Variants in WAPL observed in about 807,000 individuals in gnomAD.
WAPL encodes the protein WAPL cohesin release factor.
A neutral mutation model predicts 121.0 loss-of-function variants in WAPL; 5 were observed. The ratio of observed to expected loss-of-function variants is 0.04; its 90% CI spans 0.02 to 0.09. WAPL has a LOEUF of 0.09. Ranked by LOEUF, WAPL falls within the 10% of genes least tolerant of loss-of-function variation. The probability of loss-of-function intolerance (pLI) is 1.00; values close to 1 mark genes in which losing one functional copy is unlikely to be tolerated. For missense variants in WAPL, 999 were observed against 1,410.8 expected, an observed-to-expected ratio of 0.71 and a Z score of 4.68; for synonymous variants, 480 against 481.5, an observed-to-expected ratio of 1.00 and a Z score of 0.04.
chr10:86,456,597 A>G (rs1841152799), intron 12 of WAPL, among the ~76,000 whole-genome samples: 1 of 152,194 alleles, frequency 6.6e-6, no homozygotes, highest in Non-Finnish European at 1.5e-5. Context: ...TTCTTAAAGA[A>G]ACCGTATCTA....
rs1462614488 is a variant in WAPL, at chr10:86,467,303, C to T, written c.2346G>A (p.Lys782=). ...CCGTTATATTTTCTAGATCAAGATGCTTGTTGTGTACAGTTTCACAGAGCC... is the reference window on the plus strand; with the variant it reads ...CCGTTATATTTTCTAGATCAAGATGTTTGTTGTGTACAGTTTCACAGAGCC... ...IRRLCETVHN[K]HLDLENITTG... Residue 782 remains lysine (K), a synonymous_variant, in exon 9 of 19, where the codon AAG becomes AAA. Coordinates refer to ENST00000298767, the MANE Select transcript of WAPL (RefSeq NM_015045.5). 1 of 1,613,762 alleles carries T rather than the reference C, an allele frequency of 6.2e-7. No individual in the cohort carries two copies. Among genetic ancestry groups the T allele is most frequent in the African/African-American group, 1.3e-5 (1 of 74,902 alleles).
At chr10:86,495,170 A>C (rs1439624145) in intron 4 of WAPL, among the ~76,000 whole-genome samples, 1 of 152,226 alleles carries the variant, frequency 6.6e-6, no homozygotes, top group African/African-American at 2.4e-5. Flanking sequence ...AATTTTTTAC[A>C]AAAAAGGCGA....
intron 12 of WAPL, among the ~76,000 whole-genome samples, chr10:86,458,562 T>A (rs146763392): frequency 6.6e-6 from 1 of 152,236 alleles, no homozygotes; most frequent in Admixed American, 6.5e-5. Flanking sequence ...CATTAATATG[T>A]ATCACAAATG....
At chr10:86,511,734 G>A (rs1246966390) in intron 2 of WAPL, among the ~76,000 whole-genome samples, 1 of 152,132 alleles carries the variant, frequency 6.6e-6, no homozygotes, top group Non-Finnish European at 1.5e-5. Context: ...AGGAGTTCAG[G>A]ACCAGGCTGG....
intron 3 of WAPL, among the ~76,000 whole-genome samples, chr10:86,499,288 T>C (rs907843350): frequency 6.6e-6 from 1 of 152,190 alleles, no homozygotes; most frequent in Non-Finnish European, 1.5e-5. Context: ...CAGGTACTTT[T>C]AATAAATATA....
chr10:86,520,231 G>T (rs139184069), intron 1 of WAPL, among the ~76,000 whole-genome samples: 10,135 of 152,266 alleles, frequency 0.067, 633 homozygotes, highest in East Asian at 0.37. Flanking sequence ...GGAGGCGGAG[G>T]TTGCGGTGAG....
chr10:86,513,423 C>T (rs1164158076), intron 2 of WAPL, among the ~76,000 whole-genome samples: 2 of 72,274 alleles, frequency 2.8e-5, no homozygotes, highest in African/African-American at 1.2e-4. Context: ...CAACCTTCAC[C>T]TCCGGGGTTC....
intron 2 of WAPL, among the ~76,000 whole-genome samples, chr10:86,502,699 A>T (rs565763704): frequency 6.6e-6 from 1 of 152,350 alleles, no homozygotes; most frequent in South Asian, 2.1e-4. Flanking sequence ...AAATGAAGAT[A>T]CTTCCTTTGA....
rs115851399 is a variant in WAPL at position 86,473,550 on chromosome 10, A to G, written c.1740+328T>C. Among the ~76,000 whole-genome samples the G allele has an allele frequency of 9.3e-4, 141 of 152,332 alleles. 1 individual carries two copies. Among genetic ancestry groups the G allele is most frequent in the African/African-American group, 3.3e-3 (139 of 41,588 alleles). On this transcript the variant is annotated intron_variant, in intron 5 of 18. Coordinates refer to ENST00000298767, the MANE Select transcript of WAPL (RefSeq NM_015045.5). ...ATATATATAGGATGTAATACACAAC[A>G]TAGCTCTTATACAAACATCAAATAT...
Position 86,500,378 on chromosome 10 carries a change from T to G in WAPL, c.865A>C (p.Arg289=), listed in dbSNP as rs1842224886. The change falls in exon 3 of 19, where the codon AGG becomes CGG. Residue 289 remains arginine (R), a synonymous_variant. Transcript: ENST00000298767. The part of the protein sequence containing the change: ...IEEDIVQSVL[R]PTNCRTYCRA... ...CAGTACGTCCTACAGTTGGTTGGCCTAAGAACACTTTGTACAATATCTTCC... is the reference window on the plus strand; with the variant it reads ...CAGTACGTCCTACAGTTGGTTGGCCGAAGAACACTTTGTACAATATCTTCC... The G allele has an allele frequency of 1.2e-6, 2 of 1,614,228 alleles. No individual in the cohort carries two copies. The highest frequency in any genetic ancestry group is 8.5e-7 in the Non-Finnish European group (1 of 1,180,036).
intron 4 of WAPL, among the ~76,000 whole-genome samples, chr10:86,482,570 C>G (rs1404339100): frequency 6.6e-6 from 1 of 152,146 alleles, no homozygotes; most frequent in Non-Finnish European, 1.5e-5. Context: ...GAGCCTACAG[C>G]TGACCAGGTA....
chr10:86,514,670 T>C (rs1049969867), intron 2 of WAPL, among the ~76,000 whole-genome samples: 1 of 152,198 alleles, frequency 6.6e-6, no homozygotes, highest in Non-Finnish European at 1.5e-5. Context: ...ACTTAGCTGG[T>C]TGGTCTCACC....
chr10:86,499,132 T>G (rs1269278858), intron 3 of WAPL, among the ~76,000 whole-genome samples: 1 of 152,216 alleles, frequency 6.6e-6, no homozygotes, highest in Non-Finnish European at 1.5e-5. Flanking sequence ...TACACATATA[T>G]GCTTTAAAAT....
intron 16 of WAPL, among the ~76,000 whole-genome samples, chr10:86,445,963 T>C (rs1197061804): frequency 2.0e-5 from 3 of 152,232 alleles, no homozygotes; most frequent in African/African-American, 7.2e-5. Context: ...GTCTCCTATA[T>C]GTCTCTTCAC....
chr10:86,447,360 C>T (rs1849648266), intron 15 of WAPL, among the ~76,000 whole-genome samples: 1 of 152,304 alleles, frequency 6.6e-6, no homozygotes, highest in African/African-American at 2.4e-5. Flanking sequence ...CCAGGAAGAA[C>T]TGAGTTGTTG....
chr10:86,506,548 C>T (rs989960019), intron 2 of WAPL, among the ~76,000 whole-genome samples: 22 of 151,918 alleles, frequency 1.4e-4, no homozygotes, highest in African/African-American at 4.4e-4. Context: ...GGAGGGGCGG[C>T]AGGCCAAAGC....
chr10:86,500,580 T>C lies in WAPL; in HGVS notation c.663A>G (p.Ser221=), dbSNP rs762252581. Residue 221 remains serine, a synonymous_variant, in exon 3 of 19, where the codon TCA becomes TCG. Coordinates refer to ENST00000298767, the MANE Select transcript of WAPL (RefSeq NM_015045.5). ...WNSQFGKRPE[S]PSEISPIKGS... ...CCTTGATTGGAGATATTTCTGATGG[T>C]GATTCTGGCCTTTTCCCAAACTGGG... is the stretch of plus-strand genomic sequence containing the variant. 6.2e-7 allele frequency: 1 copy of C among 1,614,180 alleles called. No homozygotes were observed. The highest frequency in any genetic ancestry group is 8.5e-7 in the Non-Finnish European group (1 of 1,180,024).
chr10:86,473,357 T>C (rs1398553335), intron 5 of WAPL, among the ~76,000 whole-genome samples: 1 of 152,214 alleles, frequency 6.6e-6, no homozygotes, highest in Non-Finnish European at 1.5e-5. Flanking sequence ...TCCAGATGAC[T>C]GAAGCTTTAC....
At chr10:86,502,782 A>G (rs77727418) in intron 2 of WAPL, among the ~76,000 whole-genome samples, 10,185 of 152,280 alleles carry the variant, frequency 0.067, 647 homozygotes, top group East Asian at 0.38. Flanking sequence ...AGAGGTTCTC[A>G]ATTAAATCAA....
Sources: gnomAD v4.1 joint callset for allele counts (sites outside exome capture counted in the v4.1 genomes callset) on GRCh38, gnomAD v4.1.1 for gene constraint, MANE v1.5 for transcripts, NCBI Gene and HGNC (gene_info 2026-07-23, HGNC 2026-07-21) for gene names.